Variants in PALM2AKAP2 observed in about 807,000 individuals in gnomAD.
PALM2AKAP2 encodes the protein PALM2 and AKAP2 fusion.
Under a neutral mutation model 71.5 loss-of-function variants are expected in PALM2AKAP2, and 37 were observed. The ratio of observed to expected loss-of-function variants is 0.52; its 90% CI spans 0.40 to 0.68. The LOEUF (loss-of-function observed/expected upper bound fraction) is 0.68. PALM2AKAP2 is among the 30% of genes least tolerant of loss of function. PALM2AKAP2 has a pLI of 0.00. For missense variants in PALM2AKAP2, 1,224 were observed against 1,191.8 expected (o/e 1.03, Z -0.40); for synonymous variants, 468 against 478.8 (o/e 0.98, Z 0.29).
intron 1 of PALM2AKAP2, among the ~76,000 whole-genome samples, chr9:109,717,515 G>A (rs1828343127): frequency 6.6e-6 from 1 of 152,194 alleles, no homozygotes; most frequent in Non-Finnish European, 1.5e-5. Context: ...GAAACAGTTG[G>A]AGAGGCAAGA....
chr9:109,954,669 A>T (rs1320646660), intron 6 of PALM2AKAP2, among the ~76,000 whole-genome samples: 5 of 150,826 alleles, frequency 3.3e-5, no homozygotes, highest in African/African-American at 7.4e-5. Flanking sequence ...AAAAAAAAAA[A>T]AAAAAAAAAA....
At chr9:109,760,396 T>A (rs1013115459) in intron 1 of PALM2AKAP2, 3 of 152,210 alleles carry the variant, frequency 2.0e-5, no homozygotes, top group African/African-American at 7.2e-5. Context: ...TAGAAATTAT[T>A]TTCTATAGAG....
At chr9:109,847,143 A>C (rs1449284520) in intron 1 of PALM2AKAP2, among the ~76,000 whole-genome samples, 2 of 151,912 alleles carry the variant, frequency 1.3e-5, no homozygotes, top group Non-Finnish European at 2.9e-5. Flanking sequence ...TTTTTTTTGC[A>C]GATGCAATTA....
At chr9:110,084,828 C>A (rs961734951) in intron 1 of PALM2AKAP2, among the ~76,000 whole-genome samples, 2 of 151,988 alleles carry the variant, frequency 1.3e-5, no homozygotes, top group African/African-American at 2.4e-5. Flanking sequence ...CTCCACCTCC[C>A]GGGTTCAAGC....
intron 3 of PALM2AKAP2, among the ~76,000 whole-genome samples, chr9:109,889,936 T>C (rs1830048293): frequency 6.6e-6 from 1 of 152,224 alleles, no homozygotes; most frequent in African/African-American, 2.4e-5. Context: ...AAGTCAACTT[T>C]TTTGGTAGCC....
At chr9:109,873,012 A>G (rs561419372) in intron 2 of PALM2AKAP2, among the ~76,000 whole-genome samples, 162 of 152,338 alleles carry the variant, frequency 1.1e-3, no homozygotes, top group African/African-American at 3.8e-3. Flanking sequence ...ACAAAATCTC[A>G]AAACCAAACC....
intron 3 of PALM2AKAP2, among the ~76,000 whole-genome samples, chr9:109,894,471 T>C (rs147057223): frequency 2.0e-4 from 31 of 152,340 alleles, no homozygotes; most frequent in African/African-American, 6.7e-4. Flanking sequence ...CAGGGACTGC[T>C]TCTGGTCAGG....
chr9:109,728,846 C>A (rs551389464), intron 1 of PALM2AKAP2, among the ~76,000 whole-genome samples: 21 of 152,280 alleles, frequency 1.4e-4, no homozygotes, highest in African/African-American at 4.1e-4. Context: ...CATTCAGGAA[C>A]CTAAGCCCTG....
At chr9:109,784,096 A>G (rs934558384) in intron 1 of PALM2AKAP2, among the ~76,000 whole-genome samples, 18 of 152,252 alleles carry the variant, frequency 1.2e-4, no homozygotes, top group African/African-American at 3.6e-4. Flanking sequence ...ATACTCCCCA[A>G]ACTTTACATT....
chr9:109,720,015 G>A (rs1038312103), intron 1 of PALM2AKAP2, among the ~76,000 whole-genome samples: 4 of 150,936 alleles, frequency 2.7e-5, no homozygotes, highest in African/African-American at 9.8e-5. Flanking sequence ...TTGAGATGGA[G>A]TCTCACTCTG....
intron 3 of PALM2AKAP2, 62 bp downstream of exon 3, chr9:109,880,743 T>A: frequency 6.3e-7 from 1 of 1,579,824 alleles, no homozygotes; most frequent in Non-Finnish European, 8.6e-7. Context: ...ACCACTGCTC[T>A]CCTCTAGGTG....
chr9:110,098,878 A>G (rs1018751783), intron 1 of PALM2AKAP2, among the ~76,000 whole-genome samples: 1 of 152,326 alleles, frequency 6.6e-6, no homozygotes, highest in East Asian at 1.9e-4. Flanking sequence ...CAAATAACCT[A>G]TATAAATTCA....
chr9:109,653,096 T>C (rs1253200321), intron 1 of PALM2AKAP2, among the ~76,000 whole-genome samples: 2 of 152,198 alleles, frequency 1.3e-5, no homozygotes, highest in Admixed American at 6.5e-5. Flanking sequence ...CGACTTAACC[T>C]TCAACTCTTT....
At chr9:109,923,793 C>G in exon 4 of PALM2AKAP2, 1 of 1,606,278 alleles carries the variant, frequency 6.2e-7, no homozygotes, top group Non-Finnish European at 8.5e-7. Context: ...TGCCAAAGAG[C>G]AAATCATCCT....
chr9:109,736,474 A>T lies in PALM2AKAP2; in HGVS notation c.6-44014A>T, dbSNP rs554255184. On this transcript the variant is annotated intron_variant, in intron 1 of 6. Transcript: ENST00000374531. ...TTGGCCAAACAATAGTCTAAGCAAG[A>T]TTAGTTATTCTTTCTTTAGTTTTAG... Among the ~76,000 whole-genome samples the T allele has an allele frequency of 3.9e-5, 6 of 152,328 alleles. No individual in the cohort carries two copies. The East Asian group carries it at 1.2e-3, about 29-fold the overall frequency.
chr9:110,147,960 G>C (rs1425174647), intron 2 of PALM2AKAP2, among the ~76,000 whole-genome samples: 1 of 152,108 alleles, frequency 6.6e-6, no homozygotes, highest in Non-Finnish European at 1.5e-5. Flanking sequence ...GGAATAATGA[G>C]TTTTCAGTAG....
intron 6 of PALM2AKAP2, among the ~76,000 whole-genome samples, chr9:109,935,186 A>G (rs1831194023): frequency 6.6e-6 from 1 of 152,212 alleles, no homozygotes; most frequent in South Asian, 2.1e-4. Context: ...CCTCTTCTCT[A>G]TTGTTAGGGT....
chr9:110,158,543 A>G (rs1395670655), intron 3 of PALM2AKAP2, among the ~76,000 whole-genome samples: 1 of 152,238 alleles, frequency 6.6e-6, no homozygotes, highest in Non-Finnish European at 1.5e-5. Flanking sequence ...TCTTTTGTGC[A>G]CACGCTGACA....
At position 110,014,912 on chromosome 9, in the gene PALM2AKAP2, A is replaced by T. The variant is rs143186751; in HGVS notation, c.497-1042A>T. Among the ~76,000 whole-genome samples the T allele has an allele frequency of 9.4e-3, 1,294 of 137,552 alleles. 24 individuals are homozygous for T. Among genetic ancestry groups the T allele is most frequent in the African/African-American group, 0.032 (1,211 of 37,504 alleles). The allele number at this position is 137,552 out of a possible 152,430, so 90.2% of individuals were successfully genotyped here. On this transcript the variant is annotated intron_variant, in intron 6 of 9. Transcript: ENST00000302798. ...CTTTTCACCAATGTAGATCATTTTA[A>T]CTCTATTCACGTACATAACTGCATC...
Sources: gnomAD v4.1 joint callset for allele counts (sites outside exome capture counted in the v4.1 genomes callset) on GRCh38, gnomAD v4.1.1 for gene constraint, MANE v1.5 for transcripts, NCBI Gene and HGNC (gene_info 2026-07-23, HGNC 2026-07-21) for gene names.